SHISAL1: variants seen among roughly 807,000 people sequenced by gnomAD.
SHISAL1 encodes shisa like 1.
SHISAL1 carries 9 observed loss-of-function variants against 22.6 expected under a neutral mutation model. The ratio of observed to expected loss-of-function variants is 0.40; its 90% confidence interval spans 0.24 to 0.70. The LOEUF is 0.70. SHISAL1 is among the 30% of genes least tolerant of loss of function. The pLI, the probability that SHISAL1 is intolerant of heterozygous loss-of-function variation, is 0.39. For missense variants in SHISAL1, 246 were observed against 270.6 expected, an observed-to-expected ratio of 0.91 and a Z score of 0.64; for synonymous variants, 119 against 115.4, an observed-to-expected ratio of 1.03 and a Z score of -0.20.
chr22:44,302,619 G>A (rs1186410471), intron 1 of SHISAL1, among the ~76,000 whole-genome samples: 3 of 152,036 alleles, frequency 2.0e-5, no homozygotes, highest in Non-Finnish European at 4.4e-5. Context: ...GGGATAGCAG[G>A]GGCAAAGGCC....
chr22:44,315,602 A>G (rs2055552911), upstream of SHISAL1, among the ~76,000 whole-genome samples: 1 of 152,190 alleles, frequency 6.6e-6, no homozygotes, highest in African/African-American at 2.4e-5. Flanking sequence ...GCCATATAAC[A>G]TCCTCCTATA....
At chr22:44,274,400 C>T (rs566209657) in intron 4 of SHISAL1, among the ~76,000 whole-genome samples, 1 of 152,134 alleles carries the variant, frequency 6.6e-6, no homozygotes, top group Non-Finnish European at 1.5e-5. Flanking sequence ...ACCCCCTGGA[C>T]TCAGGAATCT....
intron 3 of SHISAL1, 137 bp from the exon 4 acceptor site, chr22:44,285,882 G>T: frequency 1.4e-6 from 1 of 720,726 alleles, no homozygotes; most frequent in Non-Finnish European, 2.3e-6. Context: ...GAGCCCCTCT[G>T]GAGGGCGGGG....
intron 4 of SHISAL1, among the ~76,000 whole-genome samples, chr22:44,281,575 A>G (rs2055277111): frequency 6.6e-6 from 1 of 152,178 alleles, no homozygotes; most frequent in African/African-American, 2.4e-5. Flanking sequence ...CAGGACCTCC[A>G]CAGTGCGAAG....
chr22:44,311,722 T>C (rs2055520094), intron 1 of SHISAL1, among the ~76,000 whole-genome samples: 1 of 152,212 alleles, frequency 6.6e-6, no homozygotes, highest in South Asian at 2.1e-4. Flanking sequence ...AGGCCCTAGA[T>C]GCCCCACTGT....
At chr22:44,286,125 C>T (rs1261114768) in intron 3 of SHISAL1, among the ~76,000 whole-genome samples, 4 of 152,212 alleles carry the variant, frequency 2.6e-5, no homozygotes, top group African/African-American at 9.6e-5. Context: ...CTCCCTCCTT[C>T]CTGCAGGTGC....
rs3827389 is a variant in SHISAL1 at position 44,244,803 on chromosome 22, C to A, written c.*4882G>T. ...AATAGGTGAGGGAAGCGCGTGTCAT[C>A]GAATGAGTTTTCTAGGAGGCTCCTC... On this transcript the variant is annotated 3_prime_UTR_variant, in exon 5 of 5. Coordinates refer to ENST00000381176, the MANE Select transcript of SHISAL1 (RefSeq NM_001099294.2). The A allele has an allele frequency of 2.0e-5, 3 of 152,132 alleles. No individual in the cohort carries two copies. The highest frequency in any genetic ancestry group is 2.9e-5 in the Non-Finnish European group (2 of 68,024). 9.4% of individuals were successfully genotyped at this position (152,132 alleles called of 1,614,324 possible).
intron 4 of SHISAL1, among the ~76,000 whole-genome samples, chr22:44,278,120 T>C (rs2055252398): frequency 6.6e-6 from 1 of 152,174 alleles, no homozygotes; most frequent in African/African-American, 2.4e-5. Context: ...CCCACCTTCA[T>C]CTGGGTGGGC....
chr22:44,288,464 G>A (rs996244860), intron 3 of SHISAL1, among the ~76,000 whole-genome samples: 1 of 151,856 alleles, frequency 6.6e-6, no homozygotes, highest in African/African-American at 2.4e-5. Context: ...GTGAAACCCC[G>A]TCTCTACTAA....
chr22:44,288,240 G>A (rs937141964), intron 3 of SHISAL1, among the ~76,000 whole-genome samples: 4 of 152,196 alleles, frequency 2.6e-5, no homozygotes, highest in Admixed American at 6.5e-5. Context: ...GCCATTAAGG[G>A]GCAGAAGCAG....
At chr22:44,297,706 G>A (rs1262536953) in intron 2 of SHISAL1, among the ~76,000 whole-genome samples, 3 of 152,250 alleles carry the variant, frequency 2.0e-5, no homozygotes, top group African/African-American at 7.2e-5. Flanking sequence ...TGATAAACAG[G>A]ACTGAAAGTC....
rs369264720 is a variant in SHISAL1, at chr22:44,249,586, G to A, written c.*99C>T. 5.6e-5 allele frequency: 42 copies of A among 755,098 alleles called. No individual in the cohort carries two copies. The highest frequency in any genetic ancestry group is 1.1e-4 in the Admixed American group (6 of 53,580). The allele number at this position is 755,098 out of a possible 1,614,324, so 46.8% of individuals were successfully genotyped here. A position where few individuals can be genotyped will look rare whatever the true frequency, so the allele number is the denominator to read the frequency against. ...CCTCCTGTGCCACCGCCGCTACCTC[G>A]GCTGTCCCTGGCATCTCTGTAGAAG... is the stretch of plus-strand genomic sequence containing the variant. On this transcript the variant is annotated 3_prime_UTR_variant, in exon 5 of 5. Coordinates refer to ENST00000381176, the MANE Select transcript of SHISAL1 (RefSeq NM_001099294.2).
intron 4 of SHISAL1, among the ~76,000 whole-genome samples, chr22:44,271,693 A>T (rs2055206643): frequency 6.6e-6 from 1 of 152,164 alleles, no homozygotes; most frequent in Admixed American, 6.5e-5. Flanking sequence ...TGCAAAGCCT[A>T]ATCTGGGAGC....
chr22:44,294,987 A>G (rs2055375981), intron 3 of SHISAL1, among the ~76,000 whole-genome samples: 1 of 152,260 alleles, frequency 6.6e-6, no homozygotes, highest in African/African-American at 2.4e-5. Context: ...GACATCATAA[A>G]AAGTCAATCC....
intron 4 of SHISAL1, among the ~76,000 whole-genome samples, chr22:44,251,043 G>A (rs1409644239): frequency 6.6e-6 from 1 of 152,160 alleles, no homozygotes; most frequent in African/African-American, 2.4e-5. Context: ...ACTAAGCCAG[G>A]TCCAGGTACT....
rs2055012797 is a variant in SHISAL1 at position 44,247,599 on chromosome 22, G to C, written c.*2086C>G. Reference sequence around the variant, plus strand: ...ACCCAAAGACTGAAGCCAGGGGCCTGGGTCTTCCACAGCTGACCTGTGTGA... The same window carrying C: ...ACCCAAAGACTGAAGCCAGGGGCCTCGGTCTTCCACAGCTGACCTGTGTGA... On this transcript the variant is annotated 3_prime_UTR_variant, in exon 5 of 5. Transcript: ENST00000381176. 6.6e-6 allele frequency: 1 copy of C among 152,380 alleles called. No homozygotes were observed. The highest frequency in any genetic ancestry group is 1.5e-5 in the Non-Finnish European group (1 of 68,170). The allele number at this position is 152,380 out of a possible 1,614,324, so 9.4% of individuals were successfully genotyped here.
the SHISAL1 span, among the ~76,000 whole-genome samples, chr22:44,318,582 C>T: frequency 6.6e-5 from 10 of 152,318 alleles, no homozygotes; most frequent in South Asian, 2.1e-3. Context: ...GGACCCTTAC[C>T]TCTGAAGCAG....
At chr22:44,280,427 G>C (rs2055268156) in intron 4 of SHISAL1, among the ~76,000 whole-genome samples, 1 of 152,144 alleles carries the variant, frequency 6.6e-6, no homozygotes, top group Non-Finnish European at 1.5e-5. Flanking sequence ...GTGTCCTGCT[G>C]AGCCCAGTCC....
chr22:44,286,693 CCT>C (rs1218681282), intron 3 of SHISAL1, among the ~76,000 whole-genome samples: 3 of 152,224 alleles, frequency 2.0e-5, no homozygotes, highest in African/African-American at 7.2e-5. Context: ...AAACCCAGCC[CCT>C]GTCACCCAGA....
Sources: gnomAD v4.1 joint callset for allele counts (sites outside exome capture counted in the v4.1 genomes callset) on GRCh38, gnomAD v4.1.1 for gene constraint, MANE v1.5 for transcripts, NCBI Gene and HGNC (gene_info 2026-07-23, HGNC 2026-07-21) for gene names.